TNFAIP1: variants seen among roughly 807,000 people sequenced by gnomAD.
TNFAIP1 encodes the protein BTB/POZ domain-containing adapter for CUL3-mediated RhoA degradation protein 2.
In TNFAIP1, 20 loss-of-function variants were observed where a neutral mutation model predicts 32.6. The ratio of observed to expected loss-of-function variants is 0.61; its 90% CI spans 0.43 to 0.89. The LOEUF (loss-of-function observed/expected upper bound fraction) is 0.89, where lower values mean the gene tolerates loss of function less well. Ranked by LOEUF, TNFAIP1 falls within the 40% of genes least tolerant of loss-of-function variation. TNFAIP1 has a pLI of 0.00. For synonymous variants in TNFAIP1, 166 were observed against 166.8 expected (o/e 1.00, Z 0.04); for missense variants, 319 against 425.1 (o/e 0.75, Z 2.20).
chr17:28,342,427 G>A lies in TNFAIP1; in HGVS notation c.699G>A (p.Glu233=). The change falls in exon 6 of 7, where the codon GAG becomes GAA. Residue 233 remains glutamate, a synonymous_variant. Coordinates refer to ENST00000226225, the MANE Select transcript of TNFAIP1 (RefSeq NM_021137.5). This position sits in a 1 kb window ranked among gnomAD's most constrained non-coding sequence, Gnocchi z 4.0. ...VCCTSIVYAT[E]KKQTKVEFPE... ...GTACCTCCATCGTGTATGCCACGGAGAAGAAGCAGACCAAGGTGTGGGGGA... is the reference window on the plus strand; with the variant it reads ...GTACCTCCATCGTGTATGCCACGGAAAAGAAGCAGACCAAGGTGTGGGGGA... The A allele has an allele frequency of 6.3e-7, 1 of 1,583,716 alleles. No homozygotes were observed. Among genetic ancestry groups the A allele is most frequent in the South Asian group, 1.1e-5 (1 of 90,112 alleles).
intron 1 of TNFAIP1, among the ~76,000 whole-genome samples, chr17:28,338,166 C>A (rs1476762359): frequency 1.1e-4 from 17 of 152,234 alleles, no homozygotes; most frequent in African/African-American, 4.1e-4. Flanking sequence ...GAGATGGGGT[C>A]TTGCTATGTT....
In TNFAIP1 at chr17:28,346,707, C is replaced by G. The variant is rs1172338441; in HGVS notation, c.*2107C>G. The G allele has an allele frequency of 1.3e-5, 2 of 152,174 alleles. No individual in the cohort carries two copies. The highest frequency in any genetic ancestry group is 1.3e-4 in the Admixed American group (2 of 15,274). 9.4% of individuals were successfully genotyped at this position (152,174 alleles called of 1,614,324 possible). ...TTCTTTGAAAGTTTCCAGCCCTATT[C>G]AGAAAGCAACTCTTGGCTGTGTGCA... On this transcript the variant is annotated 3_prime_UTR_variant, in exon 7 of 7. Transcript: ENST00000226225.
Position 28,344,781 on chromosome 17 carries a change from C to A in TNFAIP1, c.*181C>A. On this transcript the variant is annotated 3_prime_UTR_variant, in exon 7 of 7. Coordinates refer to ENST00000226225, the MANE Select transcript of TNFAIP1 (RefSeq NM_021137.5). ...AGGGACCACATTCCCCTGCCTTGCC[C>A]CTGAGCACTTCTGGAGACTGCGTCC... 1.6e-6 allele frequency: 1 copy of A among 634,058 alleles called. No homozygotes were observed. The highest frequency in any genetic ancestry group is 2.8e-6 in the Non-Finnish European group (1 of 362,596). 39.3% of individuals were successfully genotyped at this position (634,058 alleles called of 1,614,324 possible). A position where few individuals can be genotyped will look rare whatever the true frequency, so the allele number is the denominator to read the frequency against.
rs1907358273 is a variant in TNFAIP1 at position 28,341,390 on chromosome 17, G to A, written c.466-14G>A. On this transcript the variant is annotated splice_polypyrimidine_tract_variant and intron_variant, in intron 4 of 6. Transcript: ENST00000226225. ...GTCCCCTGGCCTGGCCCCTCACTCTGAACTCCTTCACAGCCCGTGGTGAAG... is the reference window on the plus strand; with the variant it reads ...GTCCCCTGGCCTGGCCCCTCACTCTAAACTCCTTCACAGCCCGTGGTGAAG... 1 of 1,614,210 alleles carries A rather than the reference G, an allele frequency of 6.2e-7. No individual in the cohort carries two copies.
At chr17:28,337,924 T>C (rs955592729) in intron 1 of TNFAIP1, among the ~76,000 whole-genome samples, 1 of 152,382 alleles carries the variant, frequency 6.6e-6, no homozygotes, top group Admixed American at 6.5e-5. Flanking sequence ...GTAAGCTCCA[T>C]GTGGACATGA....
At position 28,339,719 on chromosome 17, in the gene TNFAIP1, C is replaced by T. The variant is rs1380864773; in HGVS notation, c.198C>T (p.Asp66=). ...GTGGGCGCATGGAGGTGCTGACCGA[C>T]AAAGAAGGTGAGGCACTGGGGCTGC... ...MFSGRMEVLT[D]KEGWILIDRC... Residue 66 remains aspartate (D), a synonymous_variant, in exon 2 of 7, where the codon GAC becomes GAT. Coordinates refer to ENST00000226225, the MANE Select transcript of TNFAIP1 (RefSeq NM_021137.5). 1.1e-5 allele frequency: 17 copies of T among 1,613,436 alleles called. No homozygotes were observed. The highest frequency in any genetic ancestry group is 1.4e-5 in the Non-Finnish European group (16 of 1,179,864).
chr17:28,337,178 T>C (rs1237085002), intron 1 of TNFAIP1, among the ~76,000 whole-genome samples: 2 of 152,186 alleles, frequency 1.3e-5, no homozygotes, highest in African/African-American at 4.8e-5. Context: ...CAATTCATTC[T>C]CTACCCAGCA....
intron 6 of TNFAIP1, among the ~76,000 whole-genome samples, chr17:28,343,194 G>A (rs1372158778): frequency 9.9e-5 from 15 of 152,254 alleles, no homozygotes; most frequent in African/African-American, 3.6e-4. Flanking sequence ...GCCCCAACCA[G>A]CTGGGGGTTT....
Position 28,341,443 on chromosome 17 carries a change from TA to T in TNFAIP1, c.506del (p.Tyr169PhefsTer12), listed in dbSNP as rs782105862. The part of the protein sequence containing the change: ...KLLYNRSNNK[Y>X]SYTSNSDDHL... Reference sequence around the variant, plus strand: ...GCTGTACAACAGAAGCAACAACAAGTATTCCTACACCAGGTAGGGTGCGTCA... The same window carrying T: ...GCTGTACAACAGAAGCAACAACAAGTTTCCTACACCAGGTAGGGTGCGTCA... On this transcript the variant is annotated frameshift_variant, in exon 5 of 7. Transcript: ENST00000226225. LOFTEE classifies it high-confidence loss of function. The T allele has an allele frequency of 3.1e-6, 5 of 1,614,072 alleles. No individual in the cohort carries two copies. Among genetic ancestry groups the T allele is most frequent in the Non-Finnish European group, 4.2e-6 (5 of 1,180,004 alleles).
chr17:28,344,943 C>A lies in TNFAIP1; in HGVS notation c.*343C>A. On this transcript the variant is annotated 3_prime_UTR_variant, in exon 7 of 7. Coordinates refer to ENST00000226225, the MANE Select transcript of TNFAIP1 (RefSeq NM_021137.5). ...AAGGCTACTGCCCCTTAGGCCTCAG[C>A]TGGGGGAAAGGCAGTTCTGGTGCTG... The A allele has an allele frequency of 6.3e-6, 2 of 319,872 alleles. No individual in the cohort carries two copies. The highest frequency in any genetic ancestry group is 1.2e-5 in the Non-Finnish European group (2 of 168,098). The allele number at this position is 319,872 out of a possible 1,614,324, so 19.8% of individuals were successfully genotyped here.
chr17:28,337,412 T>C lies in TNFAIP1; in HGVS notation c.-115+1556T>C, dbSNP rs184741229. On this transcript the variant is annotated intron_variant, in intron 1 of 6. Transcript: ENST00000226225. ...TCTGATCCTCAAACTTGTTTTAATT[T>C]TGTCATTGTTGAGATGAGATTTCCC... is the stretch of plus-strand genomic sequence containing the variant. Among the ~76,000 whole-genome samples, 6 of 152,320 alleles carry C rather than the reference T, an allele frequency of 3.9e-5. No individual in the cohort carries two copies. In the East Asian group the frequency reaches 1.2e-3, roughly 29 times the overall value.
At position 28,341,297 on chromosome 17, in the gene TNFAIP1, G is replaced by C. The variant is rs782401079; in HGVS notation, c.436G>C (p.Glu146Gln). Residue 146 changes from glutamate (E) to glutamine (Q), a missense_variant, in exon 4 of 7, where the codon GAG (glutamate) becomes CAG (glutamine). By Grantham distance (29) the Glu-to-Gln change is conservative. Transcript: ENST00000226225. ...NIPIITSLKE[E>Q]ERLIESSTKP... is the part of the protein sequence containing the mutation. ...CCCCATCATCACATCCCTAAAGGAGGAGGAGCGGCTCATCGAATCCTCCAC... is the reference window on the plus strand; with the variant it reads ...CCCCATCATCACATCCCTAAAGGAGCAGGAGCGGCTCATCGAATCCTCCAC... 6.2e-7 allele frequency: 1 copy of C among 1,614,220 alleles called. No individual in the cohort carries two copies. The highest frequency in any genetic ancestry group is 8.5e-7 in the Non-Finnish European group (1 of 1,180,030).
In TNFAIP1 at chr17:28,342,855, A is replaced by G. The variant is rs1346402169; in HGVS notation, c.714+413A>G. ...TTTAACGAGATATGAAAATGATACA[A>G]CTCTTTGGAGCAGCAGTGTGGTGTA... On this transcript the variant is annotated intron_variant, in intron 6 of 6. Transcript: ENST00000226225. This position sits in a 1 kb window ranked among gnomAD's most constrained non-coding sequence, Gnocchi z 4.0. Among the ~76,000 whole-genome samples, 2 of 152,014 alleles carry G rather than the reference A, an allele frequency of 1.3e-5. No homozygotes were observed. The highest frequency in any genetic ancestry group is 4.8e-5 in the African/African-American group (2 of 41,350).
rs782624780 is a variant in TNFAIP1, at chr17:28,341,407, G to A, written c.469G>A (p.Val157Met). The A allele has an allele frequency of 1.7e-5, 27 of 1,614,082 alleles. No homozygotes were observed. The highest frequency in any genetic ancestry group is 3.3e-5 in the South Asian group (3 of 91,094). ...ERLIESSTKP[V>M]VKLLYNRSNN... ...CTCACTCTGAACTCCTTCACAGCCC[G>A]TGGTGAAGCTGCTGTACAACAGAAG... Residue 157 changes from valine to methionine, a missense_variant, in exon 5 of 7, where the codon GTG becomes ATG. By Grantham distance (21) the Val-to-Met change is conservative. Transcript: ENST00000226225.
At chr17:28,344,085 G>T (rs1395382536) in intron 6 of TNFAIP1, among the ~76,000 whole-genome samples, 1 of 152,184 alleles carries the variant, frequency 6.6e-6, no homozygotes, top group Non-Finnish European at 1.5e-5. Context: ...GTAGAGCTGT[G>T]TTGGGACCTA....
chr17:28,343,357 G>C (rs1335048300), intron 6 of TNFAIP1, among the ~76,000 whole-genome samples: 1 of 152,072 alleles, frequency 6.6e-6, no homozygotes. Flanking sequence ...GATACGCTGG[G>C]GTGGATGGCA....
intron 5 of TNFAIP1, 64 bp downstream of exon 5, chr17:28,341,520 C>T (rs1907362749): frequency 1.3e-6 from 2 of 1,584,904 alleles, no homozygotes; most frequent in Non-Finnish European, 1.7e-6. Context: ...TGCCTGTACT[C>T]CCAGCACGGT....
intron 6 of TNFAIP1, among the ~76,000 whole-genome samples, chr17:28,344,020 A>T (rs1907456785): frequency 6.6e-6 from 1 of 152,168 alleles, no homozygotes; most frequent in African/African-American, 2.4e-5. Flanking sequence ...CCTTTTGTAC[A>T]TATGGGAGCT....
Position 28,340,189 on chromosome 17 carries a change from A to C in TNFAIP1, c.206-120A>C. Reference sequence around the variant, plus strand: ...ATCCCCGCCTCTGTCACCCTGCGTAAGGGCTTTGTGCTCGTGGACCCCCTT... The same window carrying C: ...ATCCCCGCCTCTGTCACCCTGCGTACGGGCTTTGTGCTCGTGGACCCCCTT... On this transcript the variant is annotated intron_variant, in intron 2 of 6. Transcript: ENST00000226225. The surrounding 1 kb of genome is among the most constrained non-coding windows in gnomAD (Gnocchi z 4.1). 1 of 1,022,338 alleles carries C rather than the reference A, an allele frequency of 9.8e-7. No individual in the cohort carries two copies. Among genetic ancestry groups the C allele is most frequent in the Admixed American group, 2.1e-5 (1 of 47,818 alleles). The allele number at this position is 1,022,338 out of a possible 1,614,324, so 63.3% of individuals were successfully genotyped here. A position where few individuals can be genotyped will look rare whatever the true frequency, so the allele number is the denominator to read the frequency against.
Sources: allele counts gnomAD v4.1 joint callset (sites outside exome capture counted in the v4.1 genomes callset), GRCh38; gene constraint gnomAD v4.1.1; non-coding constraint Gnocchi (gnomAD v3.1); transcripts MANE v1.5; gene names NCBI Gene and HGNC (gene_info 2026-07-23, HGNC 2026-07-21).